The following SIAH3 variants were observed in gnomAD, a reference collection of about 807,000 sequenced individuals.
SIAH3 encodes the protein siah E3 ubiquitin protein ligase family member 3, also known as seven in absentia homolog 3.
In SIAH3, 9 loss-of-function variants were observed where a neutral mutation model predicts 12.6. The observed-to-expected ratio is 0.72, with a 90% confidence interval of 0.43 to 1.25. The LOEUF (loss-of-function observed/expected upper bound fraction) is 1.25, where lower values mean the gene tolerates loss of function less well. Among genes scored for constraint, SIAH3 ranks in the 50% most tolerant of loss-of-function variants. The pLI is 0.00. For missense variants in SIAH3, 390 were observed against 365.4 expected (o/e 1.07, Z -0.55); for synonymous variants, 154 against 151.1 (o/e 1.02, Z -0.14).
rs1247565381 is a variant in SIAH3 at position 45,779,732 on chromosome 13, T to A, written c.*3651A>T. 1.3e-5 allele frequency: 2 copies of A among 152,230 alleles called. No homozygotes were observed. Among genetic ancestry groups the A allele is most frequent in the Non-Finnish European group, 2.9e-5 (2 of 68,050 alleles). The allele number at this position is 152,230 out of a possible 1,614,324, so 9.4% of individuals were successfully genotyped here. ...TATTCAAAGTACGCAGCCTACTGGA[T>A]CATATAGAAAAGCCTCAATAAGTGG... On this transcript the variant is annotated 3_prime_UTR_variant, in exon 2 of 2. Transcript: ENST00000400405.
Position 45,783,592 on chromosome 13 carries a change from A to G in SIAH3, c.601T>C (p.Tyr201His), listed in dbSNP as rs1308084985. The change falls in exon 2 of 2, where the codon TAT (tyrosine) becomes CAT (histidine). Residue 201 changes from tyrosine (Y) to histidine (H), a missense_variant. Physicochemically the swap from Tyr to His is moderately conservative, Grantham distance 83. Coordinates refer to ENST00000400405, the MANE Select transcript of SIAH3 (RefSeq NM_198849.3). ...TGGTTTCTGTTGAGCTCCAGGCGAT[A>G]GGTGAAGCAGTCGGCCTGGGTGGGG... ...GTPTQADCFT[Y>H]RLELNRNHRR... is the part of the protein sequence containing the mutation. 1 of 1,614,098 alleles carries G rather than the reference A, an allele frequency of 6.2e-7. No individual in the cohort carries two copies. Among genetic ancestry groups the G allele is most frequent in the Non-Finnish European group, 8.5e-7 (1 of 1,180,040 alleles).
intron 1 of SIAH3, among the ~76,000 whole-genome samples, chr13:45,803,337 T>C (rs1021445150): frequency 2.0e-5 from 3 of 152,168 alleles, no homozygotes; most frequent in African/African-American, 4.8e-5. Flanking sequence ...GACAAAATGA[T>C]AAATAATACC....
intron 1 of SIAH3, among the ~76,000 whole-genome samples, chr13:45,801,836 G>A (rs1287502093): frequency 6.6e-6 from 1 of 152,194 alleles, no homozygotes; most frequent in Non-Finnish European, 1.5e-5. Context: ...CATGCTCCAG[G>A]CATTAGTCTA....
Position 45,780,877 on chromosome 13 carries a change from C to G in SIAH3, c.*2506G>C, listed in dbSNP as rs951230501. 1 of 152,162 alleles carries G rather than the reference C, an allele frequency of 6.6e-6. No individual in the cohort carries two copies. The highest frequency in any genetic ancestry group is 2.4e-5 in the African/African-American group (1 of 41,434). 9.4% of individuals were successfully genotyped at this position (152,162 alleles called of 1,614,324 possible). On this transcript the variant is annotated 3_prime_UTR_variant, in exon 2 of 2. Transcript: ENST00000400405. ...ATGAGGATTAACCTGAGACTCAAAT[C>G]AAAGAGCCCTTCAGGAACTGTGAAG... is the stretch of plus-strand genomic sequence containing the variant.
intron 1 of SIAH3, among the ~76,000 whole-genome samples, chr13:45,790,399 C>A (rs1486743987): frequency 6.6e-6 from 1 of 152,126 alleles, no homozygotes; most frequent in Non-Finnish European, 1.5e-5. Flanking sequence ...TCTCAAAAGC[C>A]TCCTGACCAA....
chr13:45,848,130 C>G (rs1950767026), intron 1 of SIAH3, among the ~76,000 whole-genome samples: 2 of 152,120 alleles, frequency 1.3e-5, no homozygotes, highest in Non-Finnish European at 2.9e-5. Flanking sequence ...CTCATGAGCG[C>G]CAGCCTGAAG....
chr13:45,793,109 G>A (rs1004050132), intron 1 of SIAH3, among the ~76,000 whole-genome samples: 10 of 152,156 alleles, frequency 6.6e-5, no homozygotes, highest in Non-Finnish European at 1.2e-4. Flanking sequence ...AGATTGTCCC[G>A]CCACCTCGGA....
chr13:45,789,357 CATCTATCT>C (rs67992215), intron 1 of SIAH3, among the ~76,000 whole-genome samples: 17,147 of 106,604 alleles, frequency 0.16, 1,136 homozygotes, highest in Non-Finnish European at 0.18. Context: ...GTGTATCTAT[CATCTATCT>C]ATCTATCTAT....
intron 1 of SIAH3, among the ~76,000 whole-genome samples, chr13:45,828,759 T>C (rs555000397): frequency 4.6e-5 from 7 of 152,286 alleles, no homozygotes; most frequent in African/African-American, 1.7e-4. Flanking sequence ...TGTGCTCTGG[T>C]TTCCTCTAGG....
At chr13:45,833,539 A>G (rs1164837790) in intron 1 of SIAH3, among the ~76,000 whole-genome samples, 1 of 152,208 alleles carries the variant, frequency 6.6e-6, no homozygotes, top group Non-Finnish European at 1.5e-5. Flanking sequence ...GGCAGGGCTA[A>G]GCACACAAAT....
At chr13:45,827,403 T>A (rs1165331698) in intron 1 of SIAH3, among the ~76,000 whole-genome samples, 1 of 152,204 alleles carries the variant, frequency 6.6e-6, no homozygotes, top group Non-Finnish European at 1.5e-5. Context: ...ACCCCCAGGC[T>A]GTGATTTGTA....
chr13:45,817,084 A>G (rs1390003240), intron 1 of SIAH3, among the ~76,000 whole-genome samples: 1 of 152,250 alleles, frequency 6.6e-6, no homozygotes, highest in African/African-American at 2.4e-5. Flanking sequence ...TTAATTTGTT[A>G]AAAGCACTTA....
In SIAH3 at chr13:45,781,882, G is replaced by A. The variant is rs966624855; in HGVS notation, c.*1501C>T. On this transcript the variant is annotated 3_prime_UTR_variant, in exon 2 of 2. Coordinates refer to ENST00000400405, the MANE Select transcript of SIAH3 (RefSeq NM_198849.3). The stretch of plus-strand genomic sequence containing the variant: ...GATGCCTGCCAGGACCAAGCCGAGG[G>A]GGTGAGGTGCAGGAACAGGGCACGG... The A allele has an allele frequency of 6.6e-6, 1 of 152,194 alleles. No individual in the cohort carries two copies. The highest frequency in any genetic ancestry group is 1.5e-5 in the Non-Finnish European group (1 of 68,058). 9.4% of individuals were successfully genotyped at this position (152,194 alleles called of 1,614,324 possible).
intron 1 of SIAH3, among the ~76,000 whole-genome samples, chr13:45,793,141 A>G (rs933282086): frequency 6.6e-6 from 1 of 152,224 alleles, no homozygotes; most frequent in African/African-American, 2.4e-5. Flanking sequence ...TGTGAGCAAC[A>G]GTGTTGTTCA....
intron 1 of SIAH3, among the ~76,000 whole-genome samples, chr13:45,841,791 C>A (rs1950741031): frequency 6.6e-6 from 1 of 152,188 alleles, no homozygotes; most frequent in African/African-American, 2.4e-5. Flanking sequence ...TCATTTGGAG[C>A]CTCATCCCTG....
At position 45,783,262 on chromosome 13, in the gene SIAH3, T is replaced by C; in HGVS notation, c.*121A>G. On this transcript the variant is annotated 3_prime_UTR_variant, in exon 2 of 2. Coordinates refer to ENST00000400405, the MANE Select transcript of SIAH3 (RefSeq NM_198849.3). ...ACCTGAGACAAAAAAATAATAATAA[T>C]TAAAAATTAAAAAAAAAAAAAAGAA... 6.5e-6 allele frequency: 4 copies of C among 611,420 alleles called. No homozygotes were observed. Among genetic ancestry groups the C allele is most frequent in the Non-Finnish European group, 9.6e-6 (4 of 418,534 alleles). The allele number at this position is 611,420 out of a possible 1,614,324, so 37.9% of individuals were successfully genotyped here.
chr13:45,829,456 A>T (rs1950690791), intron 1 of SIAH3, among the ~76,000 whole-genome samples: 1 of 152,114 alleles, frequency 6.6e-6, no homozygotes, highest in South Asian at 2.1e-4. Flanking sequence ...TAATAAAAAA[A>T]ATATTATCCG....
intron 1 of SIAH3, among the ~76,000 whole-genome samples, chr13:45,796,261 A>AAG (rs34078872): frequency 5.9e-5 from 9 of 151,730 alleles, no homozygotes; most frequent in South Asian, 4.2e-4. Flanking sequence ...GAATGGAAGA[A>AAG]AGAGAGAGAG....
chr13:45,801,100 G>T (rs202230175), intron 1 of SIAH3, among the ~76,000 whole-genome samples: 2 of 144,446 alleles, frequency 1.4e-5, no homozygotes, highest in African/African-American at 5.5e-5. Flanking sequence ...GGTGGCGGGG[G>T]GGGGCATGGC....
Sources: gnomAD v4.1 joint callset for allele counts (sites outside exome capture counted in the v4.1 genomes callset) on GRCh38, gnomAD v4.1.1 for gene constraint, MANE v1.5 for transcripts, NCBI Gene and HGNC (gene_info 2026-07-23, HGNC 2026-07-21) for gene names.